Variants in CNTN3 observed in about 807,000 individuals in gnomAD.
CNTN3 encodes the protein contactin-3.
CNTN3 carries 60 observed loss-of-function variants against 119.1 expected under a neutral mutation model. The observed-to-expected ratio is 0.50, with a 90% CI of 0.41 to 0.62. CNTN3 has a LOEUF of 0.62. CNTN3 is among the 20% of genes least tolerant of loss of function. CNTN3 has a pLI of 0.00. For synonymous variants in CNTN3, 450 were observed against 438.7 expected, an observed-to-expected ratio of 1.03 and a Z score of -0.32; for missense variants, 1,101 against 1,242.4, an observed-to-expected ratio of 0.89 and a Z score of 1.71.
chr3:74,374,501 C>T (rs1704425894), intron 5 of CNTN3, among the ~76,000 whole-genome samples: 1 of 151,992 alleles, frequency 6.6e-6, no homozygotes, highest in African/African-American at 2.4e-5. Context: ...TCCCTCTCCC[C>T]AGTTTCCACT....
chr3:74,290,188 C>A (rs927876711), intron 19 of CNTN3, among the ~76,000 whole-genome samples: 2 of 152,098 alleles, frequency 1.3e-5, no homozygotes, highest in African/African-American at 4.8e-5. Flanking sequence ...TGCAATTATG[C>A]GAACCTGCAT....
intron 3 of CNTN3, among the ~76,000 whole-genome samples, chr3:74,494,674 T>C (rs1196478229): frequency 6.6e-6 from 1 of 152,100 alleles, no homozygotes; most frequent in African/African-American, 2.4e-5. Flanking sequence ...TCCTGAAATA[T>C]AATACAATCC....
intron 11 of CNTN3, among the ~76,000 whole-genome samples, chr3:74,359,332 G>A (rs1704025579): frequency 6.6e-6 from 1 of 151,978 alleles, no homozygotes; most frequent in Non-Finnish European, 1.5e-5. Context: ...CAAATATCAG[G>A]CTAAATCCTG....
At chr3:74,310,626 C>T (rs1382754449) in intron 13 of CNTN3, among the ~76,000 whole-genome samples, 3 of 152,120 alleles carry the variant, frequency 2.0e-5, no homozygotes, top group Non-Finnish European at 4.4e-5. Context: ...GCTAGTGGAA[C>T]AAGGTAGAAG....
intron 2 of CNTN3, among the ~76,000 whole-genome samples, chr3:74,517,261 C>T (rs1413992648): frequency 1.3e-5 from 2 of 151,944 alleles, no homozygotes; most frequent in African/African-American, 2.4e-5. Flanking sequence ...TTTTCTGAAA[C>T]TTATCACTAC....
chr3:74,475,606 TAGAA>T (rs764730474), intron 4 of CNTN3, among the ~76,000 whole-genome samples: 4 of 152,186 alleles, frequency 2.6e-5, no homozygotes, highest in Non-Finnish European at 5.9e-5. Context: ...GTAATATAGA[TAGAA>T]GGAACGGTGG....
At chr3:74,551,416 A>G (rs1244070804) in intron 1 of CNTN3, among the ~76,000 whole-genome samples, 1 of 152,100 alleles carries the variant, frequency 6.6e-6, no homozygotes, top group Non-Finnish European at 1.5e-5. Flanking sequence ...ATCCTCCCCG[A>G]GTATCAATAT....
chr3:74,480,428 T>TCA (rs1294116812), intron 4 of CNTN3, among the ~76,000 whole-genome samples: 1 of 151,916 alleles, frequency 6.6e-6, no homozygotes, highest in East Asian at 1.9e-4. Context: ...GCTGTGGTGG[T>TCA]AAGGTGGTGG....
At chr3:74,417,368 G>A (rs985448944) in intron 5 of CNTN3, among the ~76,000 whole-genome samples, 12 of 152,130 alleles carry the variant, frequency 7.9e-5, no homozygotes, top group African/African-American at 2.9e-4. Context: ...TCAACTTCAA[G>A]AGCAATACGC....
intron 5 of CNTN3, among the ~76,000 whole-genome samples, chr3:74,410,225 T>C (rs746665635): frequency 1.3e-5 from 2 of 152,206 alleles, no homozygotes; most frequent in Non-Finnish European, 2.9e-5. Context: ...GGCTCAGGAC[T>C]GTCCAACCCC....
intron 1 of CNTN3, among the ~76,000 whole-genome samples, chr3:74,608,787 T>C (rs1705033592): frequency 6.6e-6 from 1 of 152,216 alleles, no homozygotes; most frequent in Non-Finnish European, 1.5e-5. Flanking sequence ...ATGTGCATGC[T>C]ACTCCATCAA....
intron 2 of CNTN3, among the ~76,000 whole-genome samples, chr3:74,506,738 A>AG (rs1703267605): frequency 7.4e-4 from 4 of 5,370 alleles, no homozygotes; most frequent in Admixed American, 3.0e-3. Context: ...CATTTATCTG[A>AG]AAAAAAAAAA....
chr3:74,581,212 T>C (rs1704499499), intron 1 of CNTN3, among the ~76,000 whole-genome samples: 1 of 152,150 alleles, frequency 6.6e-6, no homozygotes, highest in Non-Finnish European at 1.5e-5. Flanking sequence ...AATGGGACTG[T>C]GTATTTAAAA....
chr3:74,352,696 T>C (rs1703846151), intron 11 of CNTN3, among the ~76,000 whole-genome samples: 1 of 152,162 alleles, frequency 6.6e-6, no homozygotes, highest in Non-Finnish European at 1.5e-5. Context: ...ATGGAGTACC[T>C]TCCTTCTAGG....
intron 5 of CNTN3, among the ~76,000 whole-genome samples, chr3:74,412,270 T>C (rs1020244281): frequency 2.6e-5 from 4 of 152,170 alleles, no homozygotes; most frequent in African/African-American, 9.6e-5. Flanking sequence ...GCTGACTGAT[T>C]TATCCTCACT....
At chr3:74,606,448 G>T (rs887853027) in intron 1 of CNTN3, among the ~76,000 whole-genome samples, 13 of 152,058 alleles carry the variant, frequency 8.5e-5, no homozygotes, top group Non-Finnish European at 1.6e-4. Flanking sequence ...GTGGGTGTGT[G>T]TCTGTGTGTG....
In CNTN3 at chr3:74,499,786, C is replaced by T. The variant is rs1266510520; in HGVS notation, c.56-1G>A. 1 of 1,597,918 alleles carries T rather than the reference C, an allele frequency of 6.3e-7. No homozygotes were observed. The highest frequency in any genetic ancestry group is 1.4e-5 in the African/African-American group (1 of 73,762). On this transcript the variant is annotated splice_acceptor_variant, in intron 2 of 22. Coordinates refer to ENST00000263665, the MANE Select transcript of CNTN3 (RefSeq NM_020872.3). LOFTEE classifies it high-confidence loss of function. The stretch of plus-strand genomic sequence containing the variant: ...ACAGGGCCTTGTAAGAGAAGCTCAC[C>T]TATATGGGTGGGAGACATCCAAAAA...
At chr3:74,484,133 C>T (rs987093550) in intron 4 of CNTN3, among the ~76,000 whole-genome samples, 3 of 152,062 alleles carry the variant, frequency 2.0e-5, no homozygotes, top group East Asian at 1.9e-4. Context: ...AATTAGGCTG[C>T]GAATTGCTCA....
At chr3:74,327,105 C>CTTTTTTTTTTTTTTTTAT (rs1491284899) in intron 13 of CNTN3, among the ~76,000 whole-genome samples, 1 of 90,684 alleles carries the variant, frequency 1.1e-5, no homozygotes, top group Non-Finnish European at 2.0e-5. Context: ...AAGGGTTAAT[C>CTTTTTTTTTTTTTTTTAT]CTTTTTTTTT....
Sources: gnomAD v4.1 joint callset for allele counts (sites outside exome capture counted in the v4.1 genomes callset) on GRCh38, gnomAD v4.1.1 for gene constraint, MANE v1.5 for transcripts, NCBI Gene and HGNC (gene_info 2026-07-23, HGNC 2026-07-21) for gene names.